Variants in SEMA6C observed in about 807,000 individuals in gnomAD.
SEMA6C encodes the protein semaphorin 6C.
In SEMA6C, 37 loss-of-function variants were observed where a neutral mutation model predicts 72.9. The ratio of observed to expected loss-of-function variants is 0.51; its 90% confidence interval spans 0.39 to 0.67. The LOEUF (loss-of-function observed/expected upper bound fraction) is 0.67, where lower values mean the gene tolerates loss of function less well. Ranked by LOEUF, SEMA6C falls within the 30% of genes least tolerant of loss-of-function variation. SEMA6C has a pLI of 0.00. For missense variants in SEMA6C, 1,189 were observed against 1,263.6 expected (o/e 0.94, Z 0.89); for synonymous variants, 578 against 554.1 (o/e 1.04, Z -0.61).
intron 4 of SEMA6C, 73 bp downstream of exon 4, chr1:151,139,903 A>C: frequency 7.1e-7 from 1 of 1,411,536 alleles, no homozygotes; most frequent in South Asian, 1.2e-5. Context: ...AAGATGCTAC[A>C]GTGGCCATAC....
At chr1:151,139,774 G>T in intron 4 of SEMA6C, 73 bp from the exon 5 acceptor site, 1 of 1,444,022 alleles carries the variant, frequency 6.9e-7, no homozygotes, top group Non-Finnish European at 9.4e-7. Context: ...GCTGTTCAGG[G>T]ACAAACAGTG....
At chr1:151,141,973 C>T (rs1682591719) in intron 3 of SEMA6C, among the ~76,000 whole-genome samples, 1 of 151,732 alleles carries the variant, frequency 6.6e-6, no homozygotes, top group Non-Finnish European at 1.5e-5. Context: ...TAACCAAGGT[C>T]ACACAGCTAG....
chr1:151,133,496 G>C lies in SEMA6C; in HGVS notation c.1781C>G (p.Pro594Arg), dbSNP rs779569578. ...GGGGACGGAGCGGGAGGCCGAGGCT[G>C]GGGGCAGGTCCCGGCGCACGCCTGC... The part of the protein sequence containing the change: ...SAYGVRRDLP[P>R]ASASRSVPIP... Residue 594 changes from proline to arginine, a missense_variant, in exon 19 of 19, where the codon CCA becomes CGA. Physicochemically the swap from Pro to Arg is moderately radical, Grantham distance 103. Around this residue, in one of 2 missense-constraint regions of SEMA6C, gnomAD observed 721 missense variants for 686.2 expected, o/e 1.05. Coordinates refer to ENST00000368914, the MANE Select transcript of SEMA6C (RefSeq NM_030913.6). The surrounding 1 kb of genome is among the most constrained non-coding windows in gnomAD (Gnocchi z 5.9). 104 of 1,529,764 alleles carry C rather than the reference G, an allele frequency of 6.8e-5. 1 individual carries two copies. The highest frequency in any genetic ancestry group is 4.4e-4 in the Middle Eastern group (2 of 4,568). The allele number at this position is 1,529,764 out of a possible 1,614,324, so 94.8% of individuals were successfully genotyped here.
Position 151,132,931 on chromosome 1 carries a change from C to G in SEMA6C, c.2346G>C (p.Lys782Asn). 1 of 1,395,378 alleles carries G rather than the reference C, an allele frequency of 7.2e-7. No homozygotes were observed. 86.4% of individuals were successfully genotyped at this position (1,395,378 alleles called of 1,614,324 possible). ...RYLHGPQPPR[K>N]GAEPPAPLTS... is the part of the protein sequence containing the mutation. ...TTAAAGGGGCGGGGGGCTCGGCCCC[C>G]TTTCTGGGCGGCTGCGGGCCGTGCA... The change falls in exon 19 of 19, where the codon AAG (lysine) becomes AAC (asparagine). Residue 782 changes from lysine (K) to asparagine (N), a missense_variant. Coordinates refer to ENST00000368914, the MANE Select transcript of SEMA6C (RefSeq NM_030913.6).
Position 151,132,923 on chromosome 1 carries a change from T to C in SEMA6C, c.2354A>G (p.Glu785Gly). 7.2e-7 allele frequency: 1 copy of C among 1,388,192 alleles called. No individual in the cohort carries two copies. The highest frequency in any genetic ancestry group is 1.3e-5 in the South Asian group (1 of 74,522). 86.0% of individuals were successfully genotyped at this position (1,388,192 alleles called of 1,614,324 possible). A position where few individuals can be genotyped will look rare whatever the true frequency, so the allele number is the denominator to read the frequency against. The change falls in exon 19 of 19, where the codon GAG (glutamate) becomes GGG (glycine). Residue 785 changes from glutamate to glycine, a missense_variant. Glu to Gly is a moderately conservative substitution (Grantham distance 98). Transcript: ENST00000368914. ...CCGCGAGGTTAAAGGGGCGGGGGGC[T>C]CGGCCCCCTTTCTGGGCGGCTGCGG... is the stretch of plus-strand genomic sequence containing the variant. ...HGPQPPRKGA[E>G]PPAPLTSRAL... is the part of the protein sequence containing the mutation.
chr1:151,137,241 C>G (rs964197189), intron 10 of SEMA6C, among the ~76,000 whole-genome samples, 167 bp from the exon 11 acceptor site: 2 of 152,016 alleles, frequency 1.3e-5, no homozygotes, highest in Non-Finnish European at 2.9e-5. Context: ...GTCAGGAGAT[C>G]GAGACCATCC....
chr1:151,136,932 A>G lies in SEMA6C; in HGVS notation c.899T>C (p.Leu300Ser). ...PGDSTFYFDV[L>S]QALTGPVNLH... ...GTTCACAGGCCCAGTCAAGGCCTGT[A>G]AAACATCAAAATAGAAAGTAGAGTC... The change falls in exon 11 of 19, where the codon TTA (leucine) becomes TCA (serine). Residue 300 changes from leucine (L) to serine (S), a missense_variant. Coordinates refer to ENST00000368914, the MANE Select transcript of SEMA6C (RefSeq NM_030913.6). 1.2e-6 allele frequency: 2 copies of G among 1,614,162 alleles called. No homozygotes were observed. The highest frequency in any genetic ancestry group is 1.7e-6 in the Non-Finnish European group (2 of 1,180,026).
chr1:151,133,338 G>A lies in SEMA6C; in HGVS notation c.1939C>T (p.Arg647Cys), dbSNP rs1423768913. 3.1e-6 allele frequency: 5 copies of A among 1,596,416 alleles called. No individual in the cohort carries two copies. The highest frequency in any genetic ancestry group is 4.3e-6 in the Non-Finnish European group (5 of 1,174,016). The change falls in exon 19 of 19, where the codon CGC (arginine) becomes TGC (cysteine). Residue 647 changes from arginine (R) to cysteine (C), a missense_variant. Around this residue, in one of 2 missense-constraint regions of SEMA6C, gnomAD observed 721 missense variants for 686.2 expected, o/e 1.05. Coordinates refer to ENST00000368914, the MANE Select transcript of SEMA6C (RefSeq NM_030913.6). This position sits in a 1 kb window ranked among gnomAD's most constrained non-coding sequence, Gnocchi z 5.9. ...GKDIETPGLP[R>C]PLSLRSLARL... ...GCCAAACTGCGGAGGGAGAGAGGGCGCGGGAGCCCCGGAGTCTCGATGTCC... is the reference window on the plus strand; with the variant it reads ...GCCAAACTGCGGAGGGAGAGAGGGCACGGGAGCCCCGGAGTCTCGATGTCC...
rs892590273 is a variant in SEMA6C at position 151,137,889 on chromosome 1, C to A, written c.668-90G>T. On this transcript the variant is annotated intron_variant, in intron 9 of 18. Coordinates refer to ENST00000368914, the MANE Select transcript of SEMA6C (RefSeq NM_030913.6). ...CCCACACCGCTCTCCCCATTGCATACATACACACTACCACACCATTTGCCT... is the reference window on the plus strand; with the variant it reads ...CCCACACCGCTCTCCCCATTGCATAAATACACACTACCACACCATTTGCCT... The A allele has an allele frequency of 7.0e-6, 11 of 1,582,484 alleles. No homozygotes were observed. In the African/African-American group the frequency reaches 1.2e-4, roughly 17 times the overall value.
In SEMA6C at chr1:151,136,945, A is replaced by G; in HGVS notation, c.886T>C (p.Tyr296His). Residue 296 changes from tyrosine to histidine, a missense_variant, in exon 11 of 19, where the codon TAT (tyrosine) becomes CAT (histidine). Coordinates refer to ENST00000368914, the MANE Select transcript of SEMA6C (RefSeq NM_030913.6). ...GTCAAGGCCTGTAAAACATCAAAATAGAAAGTAGAGTCCCCAGGGACAGAG... is the reference window on the plus strand; with the variant it reads ...GTCAAGGCCTGTAAAACATCAAAATGGAAAGTAGAGTCCCCAGGGACAGAG... ...NCSVPGDSTF[Y>H]FDVLQALTGP... The G allele has an allele frequency of 6.2e-7, 1 of 1,614,180 alleles. No homozygotes were observed. The highest frequency in any genetic ancestry group is 1.1e-5 in the South Asian group (1 of 91,072).
intron 3 of SEMA6C, among the ~76,000 whole-genome samples, chr1:151,140,853 C>A (rs1031302587): frequency 1.4e-4 from 21 of 152,100 alleles, no homozygotes; most frequent in Non-Finnish European, 2.4e-4. Flanking sequence ...ACAAAATTAG[C>A]CAGGCGTGGT....
intron 9 of SEMA6C, 25 bp downstream of exon 9, chr1:151,137,961 C>G (rs1276843623): frequency 2.5e-6 from 4 of 1,608,746 alleles, no homozygotes; most frequent in Non-Finnish European, 3.4e-6. Flanking sequence ...CAATAACAGT[C>G]TCCTTTCCCC....
In SEMA6C at chr1:151,133,623, C is replaced by G. The variant is rs1300341400; in HGVS notation, c.1760-106G>C. 2.8e-6 allele frequency: 4 copies of G among 1,428,200 alleles called. No individual in the cohort carries two copies. Among genetic ancestry groups the G allele is most frequent in the South Asian group, 1.5e-5 (1 of 66,910 alleles). The allele number at this position is 1,428,200 out of a possible 1,614,324, so 88.5% of individuals were successfully genotyped here. A position where few individuals can be genotyped will look rare whatever the true frequency, so the allele number is the denominator to read the frequency against. On this transcript the variant is annotated intron_variant, in intron 18 of 18. Coordinates refer to ENST00000368914, the MANE Select transcript of SEMA6C (RefSeq NM_030913.6). This position sits in a 1 kb window ranked among gnomAD's most constrained non-coding sequence, Gnocchi z 5.9. ...CCAGGCCTGACATCATCGTCCCTCC[C>G]GCTGCTACTCAGCCTCACTCCTACA...
In SEMA6C at chr1:151,146,603, C is replaced by T. The variant is rs1223340478; in HGVS notation, c.-275G>A. On this transcript the variant is annotated 5_prime_UTR_variant, in exon 1 of 19. Coordinates refer to ENST00000368914, the MANE Select transcript of SEMA6C (RefSeq NM_030913.6). This position sits in a 1 kb window ranked among gnomAD's most constrained non-coding sequence, Gnocchi z 4.6. ...TGTCGGGAGAGCCCTGGGTCCAAGT[C>T]CAGCCGCGGATCCGCGGAGGAAAAC... 2.0e-5 allele frequency: 3 copies of T among 152,294 alleles called. No homozygotes were observed. The allele number at this position is 152,294 out of a possible 1,614,324, so 9.4% of individuals were successfully genotyped here.
At chr1:151,135,888 G>T (rs1681981571) in intron 13 of SEMA6C, 123 bp downstream of exon 13, 2 of 1,521,516 alleles carry the variant, frequency 1.3e-6, no homozygotes, top group Non-Finnish European at 1.8e-6. Flanking sequence ...TGCCTTCTTA[G>T]CTCTCTCCCT....
In SEMA6C at chr1:151,133,907, G is replaced by A. The variant is rs2101612415; in HGVS notation, c.1760-390C>T. Reference sequence around the variant, plus strand: ...TTCAGTGAGGGGCTTAGAACGCTCCGAGAATCAGCAGCCCCACACTTCACT... The same window carrying A: ...TTCAGTGAGGGGCTTAGAACGCTCCAAGAATCAGCAGCCCCACACTTCACT... On this transcript the variant is annotated intron_variant, in intron 18 of 18. Transcript: ENST00000368914. This position sits in a 1 kb window ranked among gnomAD's most constrained non-coding sequence, Gnocchi z 5.9. 7.0e-7 allele frequency: 1 copy of A among 1,420,580 alleles called. No homozygotes were observed. Among genetic ancestry groups the A allele is most frequent in the African/African-American group, 1.4e-5 (1 of 70,570 alleles). 88.0% of individuals were successfully genotyped at this position (1,420,580 alleles called of 1,614,324 possible).
chr1:151,134,193 G>A (rs935763489), intron 18 of SEMA6C: 24 of 752,938 alleles, frequency 3.2e-5, no homozygotes, highest in Non-Finnish European at 5.3e-5. Context: ...CCTGGGGAAG[G>A]GCTCATCATG....
At chr1:151,140,442 T>C (rs1342871976) in intron 3 of SEMA6C, among the ~76,000 whole-genome samples, 4 of 152,186 alleles carry the variant, frequency 2.6e-5, no homozygotes, top group Non-Finnish European at 5.9e-5. Context: ...CCTAGTCCCT[T>C]CTTGGAACTG....
Position 151,134,389 on chromosome 1 carries a change from A to G in SEMA6C, c.1759+12T>C. 6.3e-7 allele frequency: 1 copy of G among 1,579,158 alleles called. No homozygotes were observed. The highest frequency in any genetic ancestry group is 8.6e-7 in the Non-Finnish European group (1 of 1,162,062). On this transcript the variant is annotated intron_variant, in intron 18 of 18. Transcript: ENST00000368914. ...GAGCAAGGGAAGGTGAGGTTGGGACAAGAGGACTCACCATAAGCAGAATCC... is the reference window on the plus strand; with the variant it reads ...GAGCAAGGGAAGGTGAGGTTGGGACGAGAGGACTCACCATAAGCAGAATCC...
Sources: gnomAD v4.1 joint callset for allele counts (sites outside exome capture counted in the v4.1 genomes callset) on GRCh38, gnomAD v4.1.1 for gene constraint, gnomAD v4.1.1 regional missense constraint, Gnocchi (gnomAD v3.1) non-coding constraint, MANE v1.5 for transcripts, NCBI Gene and HGNC (gene_info 2026-07-23, HGNC 2026-07-21) for gene names.